SOX6: variants seen among roughly 807,000 people sequenced by gnomAD.
SOX6 encodes the protein SRY-box transcription factor 6.
A neutral mutation model predicts 97.8 loss-of-function variants in SOX6; 11 were observed. That is an observed-to-expected ratio of 0.11 (90% CI 0.07 to 0.19). The LOEUF (loss-of-function observed/expected upper bound fraction) is 0.19. Among genes scored for constraint, SOX6 ranks in the 10% least tolerant of loss-of-function variants. SOX6 has a pLI of 1.00. For synonymous variants in SOX6, 360 were observed against 371.4 expected, an observed-to-expected ratio of 0.97 and a Z score of 0.35; for missense variants, 810 against 1,039.5, an observed-to-expected ratio of 0.78 and a Z score of 3.04.
chr11:16,212,925 G>A (rs781433728), intron 4 of SOX6, among the ~76,000 whole-genome samples: 34 of 152,280 alleles, frequency 2.2e-4, no homozygotes, highest in South Asian at 6.2e-4. Flanking sequence ...GTCTGTTCAA[G>A]TATCTTCATG....
At chr11:16,068,347 G>C (rs1326007860) in intron 9 of SOX6, among the ~76,000 whole-genome samples, 1 of 152,176 alleles carries the variant, frequency 6.6e-6, no homozygotes, top group East Asian at 1.9e-4. Flanking sequence ...TTTTGTGCTT[G>C]TTTGGCACAG....
chr11:16,426,770 C>G (rs372778271), intron 1 of SOX6, among the ~76,000 whole-genome samples: 1 of 151,230 alleles, frequency 6.6e-6, no homozygotes, highest in African/African-American at 2.4e-5. Context: ...AAAAATTAGC[C>G]GGGCGTAGTG....
intron 3 of SOX6, among the ~76,000 whole-genome samples, chr11:16,287,839 C>T (rs1401455): frequency 0.78 from 118,766 of 152,076 alleles, 46,521 homozygotes; most frequent in Non-Finnish European, 0.8. Flanking sequence ...TTTGTTGGGC[C>T]TTGGGTACCG....
intron 1 of SOX6, among the ~76,000 whole-genome samples, chr11:16,402,132 C>CA (rs113356937): frequency 0.025 from 3,803 of 150,976 alleles, 142 homozygotes; most frequent in African/African-American, 0.079. Flanking sequence ...AAAAACAAAA[C>CA]AAAAAAAACA....
intron 3 of SOX6, among the ~76,000 whole-genome samples, chr11:16,663,571 C>T (rs1180095941): frequency 6.6e-6 from 1 of 152,206 alleles, no homozygotes; most frequent in African/African-American, 2.4e-5. Flanking sequence ...AATCCACCCA[C>T]CTCAGCCCTG....
At chr11:16,157,068 G>A (rs1850622536) in intron 6 of SOX6, among the ~76,000 whole-genome samples, 1 of 151,994 alleles carries the variant, frequency 6.6e-6, no homozygotes, top group South Asian at 2.1e-4. Context: ...GTTGAACAGA[G>A]GTGTCAACTG....
chr11:16,716,191 G>A (rs1345402958), intron 2 of SOX6, among the ~76,000 whole-genome samples: 1 of 152,084 alleles, frequency 6.6e-6, no homozygotes, highest in Non-Finnish European at 1.5e-5. Context: ...AACTGACACT[G>A]TGCCACTGCA....
intron 3 of SOX6, among the ~76,000 whole-genome samples, chr11:16,286,476 A>C (rs1378579120): frequency 6.6e-6 from 1 of 152,174 alleles, no homozygotes; most frequent in Non-Finnish European, 1.5e-5. Flanking sequence ...CATATCCTTC[A>C]ATTCATATTC....
intron 3 of SOX6, among the ~76,000 whole-genome samples, chr11:16,303,050 C>A (rs778091021): frequency 6.6e-6 from 1 of 152,084 alleles, no homozygotes; most frequent in Non-Finnish European, 1.5e-5. Flanking sequence ...AGGCCCACTA[C>A]AATACTGCAT....
intron 4 of SOX6, among the ~76,000 whole-genome samples, chr11:16,590,839 C>T (rs1219501760): frequency 6.6e-6 from 1 of 151,708 alleles, no homozygotes; most frequent in Non-Finnish European, 1.5e-5. Context: ...AGTGGATATG[C>T]TTAATGGTAC....
chr11:16,041,657 C>T (rs1855670213), intron 12 of SOX6, among the ~76,000 whole-genome samples: 1 of 152,128 alleles, frequency 6.6e-6, no homozygotes, highest in African/African-American at 2.4e-5. Context: ...GATTAAAATT[C>T]TGCTTTTGTG....
intron 3 of SOX6, among the ~76,000 whole-genome samples, chr11:16,706,464 AAAAAAAAAT>A (rs1848133571): frequency 4.7e-5 from 1 of 21,212 alleles, no homozygotes; most frequent in Non-Finnish European, 9.3e-5. Flanking sequence ...AAAAAAAAAA[AAAAAAAAAT>A]ATATATATAT....
chr11:16,430,445 T>G (rs1386989315), intron 1 of SOX6, among the ~76,000 whole-genome samples: 2 of 152,200 alleles, frequency 1.3e-5, no homozygotes, highest in Non-Finnish European at 2.9e-5. Flanking sequence ...AAAATTCATA[T>G]GTTGAAATCC....
At chr11:16,625,609 A>G (rs1848613137) in intron 3 of SOX6, among the ~76,000 whole-genome samples, 1 of 152,196 alleles carries the variant, frequency 6.6e-6, no homozygotes, top group Non-Finnish European at 1.5e-5. Flanking sequence ...CCAAGCCATG[A>G]TTAGAAGCTT....
intron 1 of SOX6, among the ~76,000 whole-genome samples, chr11:16,450,084 T>A (rs923004982): frequency 1.3e-5 from 2 of 152,180 alleles, no homozygotes; most frequent in African/African-American, 4.8e-5. Context: ...TTCAGAACCT[T>A]ACTTATTAGT....
chr11:16,658,307 C>A (rs1266558959), intron 3 of SOX6, among the ~76,000 whole-genome samples: 1 of 152,110 alleles, frequency 6.6e-6, no homozygotes. Context: ...TGTGAAACAC[C>A]AGTTCATATC....
chr11:16,099,658 T>C (rs1390726346), intron 7 of SOX6, among the ~76,000 whole-genome samples: 1 of 151,160 alleles, frequency 6.6e-6, no homozygotes, highest in Non-Finnish European at 1.5e-5. Context: ...AAGAATTCCC[T>C]GGGGCACTCC....
chr11:16,365,883 G>C (rs1011254837), intron 1 of SOX6, among the ~76,000 whole-genome samples: 1 of 152,110 alleles, frequency 6.6e-6, no homozygotes, highest in African/African-American at 2.4e-5. Flanking sequence ...CAGACACAGT[G>C]CTGCTTCCCT....
At chr11:16,247,471 A>C (rs1853372669) in intron 3 of SOX6, among the ~76,000 whole-genome samples, 1 of 152,186 alleles carries the variant, frequency 6.6e-6, no homozygotes, top group African/African-American at 2.4e-5. Flanking sequence ...TTTATAAAGA[A>C]AACAGCTTTA....
Sources: allele counts gnomAD v4.1 joint callset (sites outside exome capture counted in the v4.1 genomes callset), GRCh38; gene constraint gnomAD v4.1.1; transcripts MANE v1.5; gene names NCBI Gene and HGNC (gene_info 2026-07-23, HGNC 2026-07-21).